NCAPD2: variants seen among roughly 807,000 people sequenced by gnomAD.
The protein encoded by NCAPD2 is non-SMC condensin I complex subunit D2.
In NCAPD2, 100 loss-of-function variants were observed where a neutral mutation model predicts 164.5. The ratio of observed to expected loss-of-function variants is 0.61; its 90% CI spans 0.52 to 0.72. The LOEUF is 0.72. Among genes scored for constraint, NCAPD2 ranks in the 30% least tolerant of loss-of-function variants. NCAPD2 has a pLI of 0.00. For missense variants in NCAPD2, 1,560 were observed against 1,749.2 expected (o/e 0.89, Z 1.93); for synonymous variants, 585 against 642.6 (o/e 0.91, Z 1.36).
chr12:6,505,796 C>T (rs1946094145), intron 2 of NCAPD2, among the ~76,000 whole-genome samples: 1 of 152,104 alleles, frequency 6.6e-6, no homozygotes, highest in East Asian at 1.9e-4. Flanking sequence ...ACCTGGGAGG[C>T]AGAAGTTGCA....
intron 9 of NCAPD2, 96 bp downstream of exon 9, chr12:6,515,016 C>T: frequency 9.6e-6 from 13 of 1,352,698 alleles, no homozygotes; most frequent in Non-Finnish European, 1.0e-5. Context: ...GTAGCTTTGA[C>T]AAGTTGTCTA....
Position 6,517,126 on chromosome 12 carries a change from A to G in NCAPD2, c.1185+101A>G, listed in dbSNP as rs1289492807. The G allele has an allele frequency of 6.4e-6, 9 of 1,398,704 alleles. No homozygotes were observed. In the African/African-American group the frequency reaches 1.0e-4, roughly 16 times the overall value. The allele number at this position is 1,398,704 out of a possible 1,614,324, so 86.6% of individuals were successfully genotyped here. A position where few individuals can be genotyped will look rare whatever the true frequency, so the allele number is the denominator to read the frequency against. On this transcript the variant is annotated intron_variant, in intron 10 of 31. Transcript: ENST00000315579. ...ATAAATATCTGCCCCAAAGAGGTCT[A>G]GAATTCACATTTTTATTATCAGTAG...
chr12:6,511,700 G>C (rs1946148969), intron 6 of NCAPD2, among the ~76,000 whole-genome samples: 1 of 152,154 alleles, frequency 6.6e-6, no homozygotes, highest in Non-Finnish European at 1.5e-5. Context: ...AGCTACTCTA[G>C]GCCCGGTGCG....
chr12:6,512,277 A>G (rs1344964877), intron 6 of NCAPD2, among the ~76,000 whole-genome samples: 3 of 148,360 alleles, frequency 2.0e-5, no homozygotes, highest in South Asian at 4.2e-4. Flanking sequence ...ATCTCCAAAA[A>G]AAAAAAAAAA....
Position 6,527,759 on chromosome 12 carries a change from C to T in NCAPD2, c.2908-18C>T. On this transcript the variant is annotated intron_variant, in intron 22 of 31. Transcript: ENST00000315579. ...GTTGTCTCTGCTTATCCATGATCCC[C>T]AATTTCATTCCCTTTAGAATACGAG... is the stretch of plus-strand genomic sequence containing the variant. 7 of 1,596,626 alleles carry T rather than the reference C, an allele frequency of 4.4e-6. No individual in the cohort carries two copies. Among genetic ancestry groups the T allele is most frequent in the Non-Finnish European group, 6.0e-6 (7 of 1,167,300 alleles).
In NCAPD2 at chr12:6,528,281, C is replaced by T; in HGVS notation, c.3252C>T (p.Ile1084=). The part of the protein sequence containing the change: ...NLMVATGDLA[I]RFPNLVDPWT... ...TGGTTGCCACTGGGGATCTGGCCAT[C>T]CGCTTTCCCAATCTGGTGGACCCCT... is the stretch of plus-strand genomic sequence containing the variant. The change falls in exon 25 of 32, where the codon ATC becomes ATT. Residue 1084 remains isoleucine (I), a synonymous_variant. Coordinates refer to ENST00000315579, the MANE Select transcript of NCAPD2 (RefSeq NM_014865.4). The surrounding 1 kb of genome is among the most constrained non-coding windows in gnomAD (Gnocchi z 5.1). The T allele has an allele frequency of 1.9e-6, 3 of 1,613,800 alleles. No homozygotes were observed. The highest frequency in any genetic ancestry group is 2.5e-6 in the Non-Finnish European group (3 of 1,179,952).
At chr12:6,529,396 G>A in intron 27 of NCAPD2, 117 bp from the exon 28 acceptor site, 1 of 918,744 alleles carries the variant, frequency 1.1e-6, no homozygotes, top group Non-Finnish European at 1.7e-6. Flanking sequence ...AGGCAGACAG[G>A]GGCCGTGGCA....
intron 2 of NCAPD2, among the ~76,000 whole-genome samples, chr12:6,509,388 A>G (rs1946125367): frequency 6.6e-6 from 1 of 152,042 alleles, no homozygotes; most frequent in Non-Finnish European, 1.5e-5. Flanking sequence ...CAGCCTCCCT[A>G]GTAGCTGGGA....
intron 21 of NCAPD2, 136 bp downstream of exon 21, chr12:6,526,751 C>T (rs1246804791): frequency 2.8e-6 from 4 of 1,407,068 alleles, no homozygotes; most frequent in Admixed American, 4.1e-5. Flanking sequence ...TGAAGTTGGG[C>T]CAGTTCCCAC....
At position 6,510,118 on chromosome 12, in the gene NCAPD2, C is replaced by G. The variant is rs714774; in HGVS notation, c.247C>G (p.Gln83Glu). The change falls in exon 4 of 32, where the codon CAA becomes GAA. Residue 83 changes from glutamine (Q) to glutamate (E), a missense_variant. Physicochemically the swap from Gln to Glu is conservative, Grantham distance 29 (BLOSUM62 2). Coordinates refer to ENST00000315579, the MANE Select transcript of NCAPD2 (RefSeq NM_014865.4). ...TCCTGGCCTCAAAGAAGATACTCTG[C>G]AATTCCTGATAAAAGGTGTTTATGG... Reference protein sequence around the residue: ...IDPGLKEDTLQFLIKVVSRHS... With the variant: ...IDPGLKEDTLEFLIKVVSRHS... 0.74 allele frequency: 1,188,006 copies of G among 1,608,940 alleles called. 441,391 individuals carry two copies. The highest frequency in any genetic ancestry group is 0.95 in the African/African-American group (71,285 of 74,926).
At chr12:6,529,674 C>G in intron 28 of NCAPD2, 81 bp downstream of exon 28, 1 of 1,597,684 alleles carries the variant, frequency 6.3e-7, no homozygotes, top group Non-Finnish European at 8.6e-7. Context: ...CCCTTCAATG[C>G]CCCCACTGTG....
In NCAPD2 at chr12:6,517,580, T is replaced by A; in HGVS notation, c.1321-16T>A. 1 of 1,614,224 alleles carries A rather than the reference T, an allele frequency of 6.2e-7. No individual in the cohort carries two copies. Among genetic ancestry groups the A allele is most frequent in the Non-Finnish European group, 8.5e-7 (1 of 1,180,024 alleles). On this transcript the variant is annotated splice_polypyrimidine_tract_variant and intron_variant, in intron 11 of 31. Coordinates refer to ENST00000315579, the MANE Select transcript of NCAPD2 (RefSeq NM_014865.4). ...TTATGTCATTTACTGACCCTGCTAT[T>A]CATTTTACCTGATAGCTTAGTGATG...
At chr12:6,494,178 TAA>T (rs71579350) in intron 1 of NCAPD2, 24 bp downstream of exon 1, 7 of 152,282 alleles carry the variant, frequency 4.6e-5, no homozygotes, top group Non-Finnish European at 1.0e-4. Flanking sequence ...TTGCAGGTCG[TAA>T]AAGAGTAGGA....
intron 15 of NCAPD2, 121 bp downstream of exon 15, chr12:6,522,158 T>G: frequency 1.8e-6 from 2 of 1,128,444 alleles, no homozygotes; most frequent in Non-Finnish European, 2.5e-6. Context: ...GGTCTCCAAC[T>G]CCTGGGCTCA....
At position 6,530,740 on chromosome 12, in the gene NCAPD2, G is replaced by A. The variant is rs780665574; in HGVS notation, c.3887G>A (p.Gly1296Asp). The A allele has an allele frequency of 1.9e-6, 3 of 1,614,174 alleles. No homozygotes were observed. Among genetic ancestry groups the A allele is most frequent in the Admixed American group, 3.3e-5 (2 of 60,020 alleles). Residue 1296 changes from glycine (G) to aspartate (D), a missense_variant, in exon 30 of 32, where the codon GGT becomes GAT. Transcript: ENST00000315579. ...EQKLRACHTR[G>D]LDGIKELEIG... ...AAGCTTCGGGCCTGTCATACCAGAG[G>A]TTTGGATGGAATCAAGGAGCTTGAG... is the stretch of plus-strand genomic sequence containing the variant.
intron 2 of NCAPD2, among the ~76,000 whole-genome samples, chr12:6,499,108 T>A (rs1297563822): frequency 6.6e-6 from 1 of 152,084 alleles, no homozygotes; most frequent in Non-Finnish European, 1.5e-5. Flanking sequence ...ATGGTTCACA[T>A]CCCAGGCAGG....
rs774933116 is a variant in NCAPD2 at position 6,521,011 on chromosome 12, G to T, written c.1615G>T (p.Ala539Ser). 9.9e-6 allele frequency: 16 copies of T among 1,614,114 alleles called. No homozygotes were observed. Among genetic ancestry groups the T allele is most frequent in the Non-Finnish European group, 1.3e-5 (15 of 1,179,974 alleles). Residue 539 changes from alanine (A) to serine (S), a missense_variant, in exon 14 of 32, where the codon GCC becomes TCC. Transcript: ENST00000315579. ...AAAGGCCATCATTCTCACTCGAGAA[G>T]CCACAGGCCACTTCCAGGAGTCCGA... ...YKKAIILTRE[A>S]TGHFQESEPF...
intron 2 of NCAPD2, among the ~76,000 whole-genome samples, chr12:6,504,519 A>C (rs1336536108): frequency 6.6e-6 from 1 of 151,816 alleles, no homozygotes; most frequent in African/African-American, 2.4e-5. Context: ...TAGCCTCCCA[A>C]GTAGCTGAGA....
intron 2 of NCAPD2, among the ~76,000 whole-genome samples, chr12:6,507,103 C>T (rs992091233): frequency 2.0e-5 from 3 of 152,050 alleles, no homozygotes; most frequent in African/African-American, 7.2e-5. Flanking sequence ...AGGACTGGGC[C>T]AGGGAAAATA....
Sources: allele counts gnomAD v4.1 joint callset (sites outside exome capture counted in the v4.1 genomes callset), GRCh38; gene constraint gnomAD v4.1.1; non-coding constraint Gnocchi (gnomAD v3.1); transcripts MANE v1.5; gene names NCBI Gene and HGNC (gene_info 2026-07-23, HGNC 2026-07-21).